Variants in ZNF568 observed in about 807,000 individuals in gnomAD.
ZNF568 encodes p53 inhibitor of SCO2 activation.
In ZNF568, 11 loss-of-function variants were observed where a neutral mutation model predicts 18.1. The observed-to-expected ratio is 0.61, with a 90% CI of 0.38 to 1.00. The LOEUF is 1.00. Among genes scored for constraint, ZNF568 ranks in the 50% least tolerant of loss-of-function variants. The pLI, the probability that ZNF568 is intolerant of heterozygous loss-of-function variation, is 0.01. For missense variants in ZNF568, 639 were observed against 768.2 expected (o/e 0.83, Z 1.99); for synonymous variants, 213 against 246.6 (o/e 0.86, Z 1.28).
exon 8 of ZNF568, chr19:36,979,551 C>T (rs1286505654): frequency 1.3e-5 from 2 of 152,180 alleles, no homozygotes; most frequent in African/African-American, 2.4e-5. Flanking sequence ...GTCAAGAAAT[C>T]ATACTGTTTG....
At chr19:36,995,886 T>C (rs1568411383) in intron 4 of ZNF568, among the ~76,000 whole-genome samples, 1 of 152,228 alleles carries the variant, frequency 6.6e-6, no homozygotes, top group African/African-American at 2.4e-5. Flanking sequence ...TTATACATTA[T>C]AAGCCAATAT....
intron 6 of ZNF568, among the ~76,000 whole-genome samples, chr19:36,942,202 G>T (rs1002329861): frequency 1.3e-5 from 2 of 151,636 alleles, no homozygotes; most frequent in Non-Finnish European, 2.9e-5. Flanking sequence ...GGCTAGTCTC[G>T]AACTCCTGAC....
rs527873139 is a variant in ZNF568, at chr19:36,963,933, C to T, written c.359-10487C>T. On this transcript the variant is annotated intron_variant, in intron 6 of 7. Coordinates refer to the ZNF568 transcript ENST00000427117. ...AGTGAGCCGAGATTGTGCCACTGCA[C>T]TCCAGCCTGGCAACAAAGCGAGACT... Among the ~76,000 whole-genome samples the T allele has an allele frequency of 4.3e-4, 59 of 136,158 alleles. 2 individuals are homozygous for T. In the South Asian group the frequency reaches 0.013, roughly 30 times the overall value. The allele number at this position is 136,158 out of a possible 152,430, so 89.3% of individuals were successfully genotyped here.
downstream of ZNF568, chr19:36,997,459 C>A (rs767273277): frequency 1.3e-6 from 2 of 1,588,116 alleles, no homozygotes; most frequent in Non-Finnish European, 1.7e-6. Flanking sequence ...TGGGGAGAGA[C>A]CCCATAAGTG....
At chr19:36,919,095 G>A (rs2073405559) in intron 2 of ZNF568, among the ~76,000 whole-genome samples, 1 of 152,028 alleles carries the variant, frequency 6.6e-6, no homozygotes, top group Non-Finnish European at 1.5e-5. Context: ...TACAAACATG[G>A]GTATACAACT....
At position 36,922,642 on chromosome 19, in the gene ZNF568, A is replaced by G; in HGVS notation, c.-129A>G. 1.6e-6 allele frequency: 1 copy of G among 608,874 alleles called. No individual in the cohort carries two copies. Among genetic ancestry groups the G allele is most frequent in the Non-Finnish European group, 2.9e-6 (1 of 346,060 alleles). 37.7% of individuals were successfully genotyped at this position (608,874 alleles called of 1,614,324 possible). A position where few individuals can be genotyped will look rare whatever the true frequency, so the allele number is the denominator to read the frequency against. ...CAGTGCAAATAGAAGTCTGAGGAAC[A>G]GGTGTCTTATCATGGAAGGAGACCT... On this transcript the variant is annotated 5_prime_UTR_variant, in exon 3 of 7. Coordinates refer to ENST00000333987, the MANE Select transcript of ZNF568 (RefSeq NM_198539.4).
chr19:36,926,873 G>A (rs748637099), intron 4 of ZNF568, among the ~76,000 whole-genome samples: 4 of 152,150 alleles, frequency 2.6e-5, no homozygotes, highest in Admixed American at 1.3e-4. Flanking sequence ...GTGCATCAAT[G>A]TGTCATAAAC....
At chr19:36,954,982 T>G (rs2309220), downstream of ZNF568, among the ~76,000 whole-genome samples, 5 of 151,852 alleles carry the variant, frequency 3.3e-5, no homozygotes, top group Non-Finnish European at 4.4e-5. Context: ...TGGGTTCAAG[T>G]GATTCTCCTG....
chr19:36,918,682 C>G (rs1173677192), intron 2 of ZNF568, among the ~76,000 whole-genome samples: 1 of 152,132 alleles, frequency 6.6e-6, no homozygotes, highest in Admixed American at 6.5e-5. Context: ...GTGTACAGTT[C>G]AGTGGCATGA....
At chr19:36,938,316 C>T (rs999380979) in intron 6 of ZNF568, among the ~76,000 whole-genome samples, 1 of 151,870 alleles carries the variant, frequency 6.6e-6, no homozygotes, top group Non-Finnish European at 1.5e-5. Flanking sequence ...AGATTGTATC[C>T]CTAGAAAACA....
chr19:36,939,843 G>T (rs71356025), intron 6 of ZNF568, among the ~76,000 whole-genome samples: 2 of 152,216 alleles, frequency 1.3e-5, no homozygotes, highest in East Asian at 3.9e-4. Context: ...CTGGCCAGAA[G>T]ATATATTTTC....
At chr19:36,949,188 C>A (rs1345500706) in intron 6 of ZNF568, among the ~76,000 whole-genome samples, 1 of 152,156 alleles carries the variant, frequency 6.6e-6, no homozygotes, top group Non-Finnish European at 1.5e-5. Context: ...AGCCGTTTGA[C>A]TCCCTATCAG....
intron 6 of ZNF568, among the ~76,000 whole-genome samples, chr19:36,968,845 C>A (rs1459492049): frequency 6.7e-6 from 1 of 148,980 alleles, no homozygotes; most frequent in Non-Finnish European, 1.5e-5. Context: ...ATCTAAGGGA[C>A]AAGCATGAAT....
At chr19:36,968,038 A>C (rs553090951) in intron 6 of ZNF568, among the ~76,000 whole-genome samples, 5 of 152,342 alleles carry the variant, frequency 3.3e-5, no homozygotes, top group South Asian at 4.1e-4. Flanking sequence ...GTTGTATTTG[A>C]AATTATCCCA....
intron 4 of ZNF568, among the ~76,000 whole-genome samples, chr19:36,928,596 G>A (rs574385117): frequency 6.6e-6 from 1 of 152,186 alleles, no homozygotes; most frequent in East Asian, 1.9e-4. Context: ...AAGCAGGATG[G>A]TGCATTCAAA....
chr19:36,997,683 ACATCAAAGAATT>A, downstream of ZNF568: 1 of 1,009,524 alleles, frequency 9.9e-7, no homozygotes, highest in South Asian at 1.4e-5. Flanking sequence ...ACCTTAGTCA[ACATCAAAGAATT>A]CATTCAGGAC....
chr19:36,934,139 T>C (rs1173542212), intron 4 of ZNF568, among the ~76,000 whole-genome samples: 1 of 151,644 alleles, frequency 6.6e-6, no homozygotes, highest in Non-Finnish European at 1.5e-5. Flanking sequence ...CTGATTTTTG[T>C]ATTTTGAGTC....
chr19:36,945,165 ACT>A lies in ZNF568; in HGVS notation c.359-4342_359-4341del, dbSNP rs1317308961. On this transcript the variant is annotated intron_variant, in intron 6 of 6. Coordinates refer to ENST00000333987, the MANE Select transcript of ZNF568 (RefSeq NM_198539.4). ...GCGTAGAGAACATTGTTTAGAATAT[ACT>A]CTCTTTTATGTGCAAATGGATGGGA... 6.0e-5 allele frequency among the ~76,000 whole-genome samples: 9 copies of A among 151,140 alleles called. 1 individual carries two copies. In the South Asian group the frequency reaches 1.5e-3, roughly 25 times the overall value.
At chr19:36,918,104 G>C (rs1322002285) in intron 2 of ZNF568, among the ~76,000 whole-genome samples, 2 of 151,948 alleles carry the variant, frequency 1.3e-5, no homozygotes, top group Non-Finnish European at 2.9e-5. Flanking sequence ...GCGCCACCAC[G>C]CCCGGCTGAT....
Sources: allele counts gnomAD v4.1 joint callset (sites outside exome capture counted in the v4.1 genomes callset), GRCh38; gene constraint gnomAD v4.1.1; transcripts MANE v1.5; gene names NCBI Gene and HGNC (gene_info 2026-07-23, HGNC 2026-07-21).